LSAMP: variants seen among roughly 807,000 people sequenced by gnomAD.
The protein encoded by LSAMP is limbic system associated membrane protein, also known as limbic system-associated membrane protein.
A neutral mutation model predicts 38.6 loss-of-function variants in LSAMP; 7 were observed. The ratio of observed to expected loss-of-function variants is 0.18; its 90% CI spans 0.10 to 0.34. The LOEUF is 0.34. LSAMP is among the 10% of genes least tolerant of loss of function. LSAMP has a pLI of 1.00. For missense variants in LSAMP, 313 were observed against 420.0 expected, an observed-to-expected ratio of 0.75 and a Z score of 2.23; for synonymous variants, 154 against 166.8, an observed-to-expected ratio of 0.92 and a Z score of 0.59.
At chr3:116,335,226 A>G (rs2047903015) in intron 1 of LSAMP, among the ~76,000 whole-genome samples, 1 of 152,060 alleles carries the variant, frequency 6.6e-6, no homozygotes, top group Non-Finnish European at 1.5e-5. Context: ...ACATAAACAA[A>G]TGAAAACACA....
chr3:116,440,659 T>C (rs1439400445), intron 1 of LSAMP, among the ~76,000 whole-genome samples: 1 of 152,190 alleles, frequency 6.6e-6, no homozygotes, highest in Non-Finnish European at 1.5e-5. Context: ...ACAAAATGTA[T>C]ATAATATGCC....
chr3:116,179,746 G>A (rs1239027702), intron 1 of LSAMP, among the ~76,000 whole-genome samples: 2 of 152,088 alleles, frequency 1.3e-5, no homozygotes, highest in African/African-American at 2.4e-5. Flanking sequence ...GCTCCCACCA[G>A]GCCCCTCTTC....
At chr3:116,030,803 A>G (rs1466991357) in intron 2 of LSAMP, among the ~76,000 whole-genome samples, 1 of 152,144 alleles carries the variant, frequency 6.6e-6, no homozygotes, top group Non-Finnish European at 1.5e-5. Context: ...ATATTTTTCT[A>G]TGTGAAAGGA....
intron 1 of LSAMP, among the ~76,000 whole-genome samples, chr3:116,186,871 T>A (rs931476762): frequency 2.0e-5 from 3 of 152,162 alleles, no homozygotes; most frequent in Non-Finnish European, 4.4e-5. Flanking sequence ...TATTCAAGTC[T>A]GTGGCTTTGA....
At chr3:116,087,978 C>A (rs1477694928) in intron 1 of LSAMP, among the ~76,000 whole-genome samples, 2 of 150,730 alleles carry the variant, frequency 1.3e-5, no homozygotes, top group Non-Finnish European at 2.9e-5. Flanking sequence ...ACTGCAGCCT[C>A]AAACTACTGA....
intron 2 of LSAMP, among the ~76,000 whole-genome samples, chr3:116,071,868 C>T (rs1037981380): frequency 6.6e-6 from 1 of 152,014 alleles, no homozygotes; most frequent in Non-Finnish European, 1.5e-5. Context: ...TCTGTTACTG[C>T]ATTAGTTTGC....
At chr3:116,379,399 T>C (rs1247304249) in intron 1 of LSAMP, among the ~76,000 whole-genome samples, 4 of 151,944 alleles carry the variant, frequency 2.6e-5, no homozygotes, top group Admixed American at 6.6e-5. Context: ...AGAGTACAGT[T>C]AGTTTGAGAC....
chr3:116,225,993 C>T (rs2046338068), intron 1 of LSAMP, among the ~76,000 whole-genome samples: 1 of 152,172 alleles, frequency 6.6e-6, no homozygotes, highest in Admixed American at 6.5e-5. Context: ...ATCTTTCTGT[C>T]TGCTTTTCAA....
chr3:116,248,771 A>C (rs180883375), intron 1 of LSAMP, among the ~76,000 whole-genome samples: 12 of 152,028 alleles, frequency 7.9e-5, no homozygotes, highest in Admixed American at 3.3e-4. Context: ...CTGTGTACAT[A>C]TGTAGGCATG....
intron 4 of LSAMP, among the ~76,000 whole-genome samples, chr3:115,851,366 A>C (rs1935326230): frequency 6.6e-6 from 1 of 152,160 alleles, no homozygotes; most frequent in Non-Finnish European, 1.5e-5. Context: ...TTTAGAATCA[A>C]ATGGACCTGA....
At chr3:116,121,944 C>T (rs779326690) in intron 1 of LSAMP, among the ~76,000 whole-genome samples, 7 of 144,188 alleles carry the variant, frequency 4.9e-5, no homozygotes, top group African/African-American at 1.3e-4. Context: ...ATTTTATGTG[C>T]GGCCCAAGAC....
intron 2 of LSAMP, among the ~76,000 whole-genome samples, chr3:116,054,967 G>A (rs1053227421): frequency 6.6e-6 from 1 of 152,076 alleles, no homozygotes; most frequent in Non-Finnish European, 1.5e-5. Flanking sequence ...TCTGAAGTCT[G>A]AATACAGCTG....
intron 1 of LSAMP, among the ~76,000 whole-genome samples, chr3:116,321,910 C>T (rs1264390189): frequency 6.6e-6 from 1 of 152,124 alleles, no homozygotes; most frequent in Non-Finnish European, 1.5e-5. Flanking sequence ...CCCCCAAATA[C>T]ATTCATTTTA....
chr3:116,269,789 T>C (rs78352902), intron 1 of LSAMP, among the ~76,000 whole-genome samples: 9,020 of 152,152 alleles, frequency 0.059, 343 homozygotes, highest in Middle Eastern at 0.11. Context: ...GATCAATTGA[T>C]CAAGATCACA....
At chr3:116,069,407 T>C (rs555980116) in intron 2 of LSAMP, among the ~76,000 whole-genome samples, 18 of 152,342 alleles carry the variant, frequency 1.2e-4, no homozygotes, top group Admixed American at 2.6e-4. Flanking sequence ...CAGACTCTTA[T>C]GTATGAGCAG....
At chr3:115,983,206 A>G (rs537860067) in intron 3 of LSAMP, among the ~76,000 whole-genome samples, 1 of 152,248 alleles carries the variant, frequency 6.6e-6, no homozygotes, top group Non-Finnish European at 1.5e-5. Flanking sequence ...TTGACATGGT[A>G]TTTAGCCTTG....
intron 1 of LSAMP, among the ~76,000 whole-genome samples, chr3:116,296,611 C>T (rs1330999321): frequency 2.2e-5 from 3 of 135,868 alleles, no homozygotes; most frequent in African/African-American, 8.2e-5. Flanking sequence ...CAGAGAATGG[C>T]GTTAACCCGG....
intron 3 of LSAMP, among the ~76,000 whole-genome samples, chr3:115,865,509 A>T (rs970973407): frequency 6.6e-6 from 1 of 152,198 alleles, no homozygotes; most frequent in African/African-American, 2.4e-5. Flanking sequence ...ACTTTAAAAA[A>T]TTACACAGAT....
intron 3 of LSAMP, among the ~76,000 whole-genome samples, chr3:115,880,203 G>C (rs1936286361): frequency 6.6e-6 from 1 of 152,052 alleles, no homozygotes; most frequent in African/African-American, 2.4e-5. Context: ...AGAGAAAAAT[G>C]ACTTAGGCTA....
Sources: allele counts gnomAD v4.1 joint callset (sites outside exome capture counted in the v4.1 genomes callset), GRCh38; gene constraint gnomAD v4.1.1; transcripts MANE v1.5; gene names NCBI Gene and HGNC (gene_info 2026-07-23, HGNC 2026-07-21).